CRLS1: variants seen among roughly 807,000 people sequenced by gnomAD.
CRLS1 encodes the protein cardiolipin synthase 1.
Under a neutral mutation model 37.0 loss-of-function variants are expected in CRLS1, and 24 were observed. The ratio of observed to expected loss-of-function variants is 0.65; its 90% CI spans 0.47 to 0.91. The LOEUF (loss-of-function observed/expected upper bound fraction) is 0.91. CRLS1 is among the 40% of genes least tolerant of loss of function. The pLI, the probability that CRLS1 is intolerant of heterozygous loss-of-function variation, is 0.00. For synonymous variants in CRLS1, 135 were observed against 159.7 expected (o/e 0.85, Z 1.17); for missense variants, 373 against 395.8 (o/e 0.94, Z 0.49).
intron 3 of CRLS1, 37 bp from the exon 4 acceptor site, chr20:6,031,248 G>T: frequency 7.1e-7 from 1 of 1,416,636 alleles, no homozygotes; most frequent in South Asian, 1.2e-5. Context: ...GTACTCTTCA[G>T]AATCCCAGTT....
chr20:6,019,627 A>G (rs759332478), intron 3 of CRLS1, among the ~76,000 whole-genome samples: 2 of 135,456 alleles, frequency 1.5e-5, no homozygotes, highest in Non-Finnish European at 3.1e-5. Flanking sequence ...TTACTACTTC[A>G]TTACATCTTG....
chr20:6,009,481 G>A (rs1014634777), intron 1 of CRLS1, among the ~76,000 whole-genome samples: 5 of 151,650 alleles, frequency 3.3e-5, no homozygotes, highest in African/African-American at 1.2e-4. Context: ...TTCCCAGGCT[G>A]GTCTCTAATT....
In CRLS1 at chr20:6,039,744, A is replaced by G. The variant is rs368264108; in HGVS notation, c.*2586A>G. On this transcript the variant is annotated 3_prime_UTR_variant, in exon 7 of 7. Transcript: ENST00000378863. Reference sequence around the variant, plus strand: ...GCCCCAATAACTAGGTTTTTTTGTTAAAAAAAAAAAAAAAGGAAATGTGAA... The same window carrying G: ...GCCCCAATAACTAGGTTTTTTTGTTGAAAAAAAAAAAAAAGGAAATGTGAA... The G allele has an allele frequency of 7.7e-4, 10 of 12,922 alleles. No individual in the cohort carries two copies. In the African/African-American group the frequency reaches 8.9e-3, roughly 11 times the overall value. 0.8% of individuals were successfully genotyped at this position (12,922 alleles called of 1,614,324 possible). A position where few individuals can be genotyped will look rare whatever the true frequency, so the allele number is the denominator to read the frequency against.
intron 2 of CRLS1, 62 bp downstream of exon 2, chr20:6,009,974 C>G (rs543566259): frequency 3.3e-6 from 5 of 1,520,462 alleles, no homozygotes; most frequent in Middle Eastern, 3.5e-4. Flanking sequence ...ACTACTAAAC[C>G]GAAATAGCAT....
rs141780835 is a variant in CRLS1 at position 6,010,377 on chromosome 20, T to C, written c.444+465T>C. Among the ~76,000 whole-genome samples the C allele has an allele frequency of 3.1e-4, 47 of 152,344 alleles. 1 individual carries two copies. Among genetic ancestry groups the C allele is most frequent in the African/African-American group, 1.1e-3 (46 of 41,582 alleles). ...GAACTGGGATATGACCAGAAGCATG[T>C]AGAAGTCATAGCTTTGCTCAGGTTT... On this transcript the variant is annotated intron_variant, in intron 2 of 6. Coordinates refer to ENST00000378863, the MANE Select transcript of CRLS1 (RefSeq NM_019095.6).
chr20:6,006,199 G>T lies in CRLS1; in HGVS notation c.-48G>T, dbSNP rs937109151. On this transcript the variant is annotated 5_prime_UTR_variant, in exon 1 of 7. Coordinates refer to ENST00000378863, the MANE Select transcript of CRLS1 (RefSeq NM_019095.6). ...GAGAAGCGGCTCGCCAGTGTCCCAG[G>T]CTGCTGAGCTCTCGCCGCCCGAGAC... The T allele has an allele frequency of 1.0e-4, 117 of 1,114,638 alleles. No homozygotes were observed. In the East Asian group the frequency reaches 3.7e-3, roughly 35 times the overall value. The allele number at this position is 1,114,638 out of a possible 1,614,324, so 69.0% of individuals were successfully genotyped here. A position where few individuals can be genotyped will look rare whatever the true frequency, so the allele number is the denominator to read the frequency against.
intron 3 of CRLS1, among the ~76,000 whole-genome samples, chr20:6,030,353 A>T (rs1474757595): frequency 6.6e-6 from 1 of 152,178 alleles, no homozygotes; most frequent in Admixed American, 6.5e-5. Flanking sequence ...GATGACAAAA[A>T]TATTGACAAG....
At chr20:6,034,127 G>A (rs1266183853) in intron 5 of CRLS1, among the ~76,000 whole-genome samples, 2 of 152,138 alleles carry the variant, frequency 1.3e-5, no homozygotes, top group East Asian at 1.9e-4. Flanking sequence ...AGTTATTTTC[G>A]TATTCCATTT....
At chr20:6,032,157 C>G in intron 5 of CRLS1, 77 bp downstream of exon 5, 1 of 1,170,690 alleles carries the variant, frequency 8.5e-7, no homozygotes, top group Non-Finnish European at 1.3e-6. Context: ...TAGTCAAGAA[C>G]AGCTGAAAAT....
intron 3 of CRLS1, among the ~76,000 whole-genome samples, chr20:6,022,047 C>T (rs1200901848): frequency 6.6e-6 from 1 of 152,104 alleles, no homozygotes; most frequent in Non-Finnish European, 1.5e-5. Flanking sequence ...AATTTATCTT[C>T]ATATTTATTA....
At chr20:6,034,782 G>C (rs1980429371) in intron 6 of CRLS1, among the ~76,000 whole-genome samples, 1 of 152,216 alleles carries the variant, frequency 6.6e-6, no homozygotes, top group South Asian at 2.1e-4. Flanking sequence ...AATGTGTTAA[G>C]GGTTTTGGAG....
In CRLS1 at chr20:6,038,108, C is replaced by T. The variant is rs1045140094; in HGVS notation, c.*950C>T. The T allele has an allele frequency of 5.3e-5, 8 of 152,242 alleles. No homozygotes were observed. In the South Asian group the frequency reaches 1.7e-3, roughly 32 times the overall value. 9.4% of individuals were successfully genotyped at this position (152,242 alleles called of 1,614,324 possible). ...ATTCTCTGCTGTTACGTAAGTTTTCCGATTCACAGAGTCCATTCATGTACA... is the reference window on the plus strand; with the variant it reads ...ATTCTCTGCTGTTACGTAAGTTTTCTGATTCACAGAGTCCATTCATGTACA... On this transcript the variant is annotated 3_prime_UTR_variant, in exon 7 of 7. Transcript: ENST00000378863.
intron 3 of CRLS1, among the ~76,000 whole-genome samples, chr20:6,018,096 A>T (rs537172909): frequency 4.0e-5 from 6 of 151,734 alleles, no homozygotes; most frequent in African/African-American, 1.5e-4. Flanking sequence ...CGTGCCTGTA[A>T]TCCCAGCTAC....
At chr20:6,030,718 C>CAA (rs796724709) in intron 3 of CRLS1, among the ~76,000 whole-genome samples, 5 of 141,438 alleles carry the variant, frequency 3.5e-5, no homozygotes, top group African/African-American at 1.3e-4. Context: ...GGCTCTGTCT[C>CAA]AAAAAAAAAA....
rs150843254 is a variant in CRLS1 at position 6,026,454 on chromosome 20, A to G, written c.575-4831A>G. On this transcript the variant is annotated intron_variant, in intron 3 of 6. Coordinates refer to ENST00000378863, the MANE Select transcript of CRLS1 (RefSeq NM_019095.6). The stretch of plus-strand genomic sequence containing the variant: ...AAATTCGTGCAACTCACTTTACTGC[A>G]GTATTAGCTTTGTTGCGGTGGTCTG... Among the ~76,000 whole-genome samples the G allele has an allele frequency of 1.0e-3, 153 of 152,250 alleles. No individual in the cohort carries two copies. In the Middle Eastern group the frequency reaches 0.014, roughly 14 times the overall value.
chr20:6,037,142 A>G lies in CRLS1; in HGVS notation c.890A>G (p.Gln297Arg). 1 of 1,612,898 alleles carries G rather than the reference A, an allele frequency of 6.2e-7. No individual in the cohort carries two copies. Among genetic ancestry groups the G allele is most frequent in the African/African-American group, 1.3e-5 (1 of 75,028 alleles). Reference sequence around the variant, plus strand: ...TATCATTATGGCCGGAAGACTGTTCAGGTGATAAAAGACTGATGAAAGTCA... The same window carrying G: ...TATCATTATGGCCGGAAGACTGTTCGGGTGATAAAAGACTGATGAAAGTCA... ...SYYHYGRKTV[Q>R]VIKD The change falls in exon 7 of 7, where the codon CAG (glutamine) becomes CGG (arginine). Residue 297 changes from glutamine (Q) to arginine (R), a missense_variant. By Grantham distance (43) the Gln-to-Arg change is conservative. Coordinates refer to ENST00000378863, the MANE Select transcript of CRLS1 (RefSeq NM_019095.6).
At chr20:6,030,154 A>T (rs1382195931) in intron 3 of CRLS1, among the ~76,000 whole-genome samples, 7 of 151,220 alleles carry the variant, frequency 4.6e-5, no homozygotes, top group African/African-American at 1.2e-4. Flanking sequence ...AAAAATAATA[A>T]TTTTTTTTTC....
Position 6,031,357 on chromosome 20 carries a change from C to T in CRLS1, c.647C>T (p.Thr216Ile). The change falls in exon 4 of 7, where the codon ACT becomes ATT. Residue 216 changes from threonine (T) to isoleucine (I), a missense_variant. By Grantham distance (89) the Thr-to-Ile change is moderately conservative. Coordinates refer to ENST00000378863, the MANE Select transcript of CRLS1 (RefSeq NM_019095.6). ...IAAVFYVRYR[T>I]LPTPRTLAKY... The stretch of plus-strand genomic sequence containing the variant: ...GCTGTTTTTTATGTCAGATACCGAA[C>T]TCTTCCAACACCAGTGAGTTTGTTT... 1 of 1,606,146 alleles carries T rather than the reference C, an allele frequency of 6.2e-7. No individual in the cohort carries two copies. The highest frequency in any genetic ancestry group is 8.5e-7 in the Non-Finnish European group (1 of 1,175,222).
At chr20:6,015,857 T>C (rs1978704514) in intron 3 of CRLS1, 1 of 258,876 alleles carries the variant, frequency 3.9e-6, no homozygotes, top group Non-Finnish European at 7.7e-6. Context: ...TTTATTAATA[T>C]CGTTTAATCA....
Sources: gnomAD v4.1 joint callset for allele counts (sites outside exome capture counted in the v4.1 genomes callset) on GRCh38, gnomAD v4.1.1 for gene constraint, MANE v1.5 for transcripts, NCBI Gene and HGNC (gene_info 2026-07-23, HGNC 2026-07-21) for gene names.